Variants in ATXN1 observed in about 807,000 individuals in gnomAD.
ATXN1 encodes the protein ataxin-1.
In ATXN1, 8 loss-of-function variants were observed where a neutral mutation model predicts 56.4. That is an observed-to-expected ratio of 0.14 (90% CI 0.08 to 0.26). The LOEUF (loss-of-function observed/expected upper bound fraction) is 0.26, where lower values mean the gene tolerates loss of function less well. Among genes scored for constraint, ATXN1 ranks in the 10% least tolerant of loss-of-function variants. The pLI is 1.00. For synonymous variants in ATXN1, 514 were observed against 494.6 expected (o/e 1.04, Z -0.52); for missense variants, 987 against 1,106.5 (o/e 0.89, Z 1.53).
Position 16,327,675 on chromosome 6 carries a change from C to A in ATXN1, c.636G>T (p.Gln212His), listed in dbSNP as rs376233432. ...GCTGCTGCTGCTGCTGCTGCTGCTG[C>A]TGATGCTGATGCTGCTGCTGCTGCT... is the stretch of plus-strand genomic sequence containing the variant. ...QQQQQQQHQH[Q>H]QQQQQQQQQQ... The change falls in exon 7 of 8, where the codon CAG (glutamine) becomes CAT (histidine). Residue 212 changes from glutamine (Q) to histidine (H), a missense_variant. Coordinates refer to ENST00000436367, the MANE Select transcript of ATXN1 (RefSeq NM_001128164.2). The A allele has an allele frequency of 4.9e-5, 75 of 1,515,692 alleles. No individual in the cohort carries two copies. The highest frequency in any genetic ancestry group is 2.1e-4 in the African/African-American group (11 of 51,814). 93.9% of individuals were successfully genotyped at this position (1,515,692 alleles called of 1,614,324 possible).
Position 16,760,274 on chromosome 6 carries a change from G to A in ATXN1, c.-730+1024C>T, listed in dbSNP as rs1426522182. Among the ~76,000 whole-genome samples the A allele has an allele frequency of 6.6e-6, 1 of 151,894 alleles. No homozygotes were observed. Among genetic ancestry groups the A allele is most frequent in the African/African-American group, 2.4e-5 (1 of 41,406 alleles). ...GCCTCCTCCTCCTTCCCCTCCTCCTGGCTTCATTCACCCTCCCAGCAGCCG... is the reference window on the plus strand; with the variant it reads ...GCCTCCTCCTCCTTCCCCTCCTCCTAGCTTCATTCACCCTCCCAGCAGCCG... On this transcript the variant is annotated intron_variant, in intron 1 of 7. Transcript: ENST00000436367. This position sits in a 1 kb window ranked among gnomAD's most constrained non-coding sequence, Gnocchi z 5.3.
chr6:16,693,672 C>T (rs919192123), intron 2 of ATXN1, among the ~76,000 whole-genome samples: 1 of 152,154 alleles, frequency 6.6e-6, no homozygotes, highest in Non-Finnish European at 1.5e-5. Context: ...ATAATTGATG[C>T]TCATCATGGC....
At chr6:16,632,168 A>G (rs913780209) in intron 3 of ATXN1, among the ~76,000 whole-genome samples, 4 of 151,918 alleles carry the variant, frequency 2.6e-5, no homozygotes, top group African/African-American at 7.3e-5. Context: ...TCCTTTCCCT[A>G]TTCACTCTTC....
chr6:16,503,598 C>G (rs991089938), intron 5 of ATXN1, among the ~76,000 whole-genome samples: 2 of 152,162 alleles, frequency 1.3e-5, no homozygotes, highest in Non-Finnish European at 2.9e-5. Context: ...GTTCATATGG[C>G]TTTCACTTAA....
At chr6:16,572,347 C>A (rs1325560815) in intron 4 of ATXN1, among the ~76,000 whole-genome samples, 4 of 152,126 alleles carry the variant, frequency 2.6e-5, no homozygotes, top group African/African-American at 9.7e-5. Context: ...GAGAAAGGGA[C>A]GGAGATCTTC....
intron 6 of ATXN1, among the ~76,000 whole-genome samples, chr6:16,359,042 G>A (rs2113471862): frequency 6.6e-6 from 1 of 152,340 alleles, no homozygotes; most frequent in East Asian, 1.9e-4. Context: ...CCCCAGGAAG[G>A]ACCCTCCCCA....
intron 2 of ATXN1, chr6:16,737,212 C>G (rs1246074581): frequency 3.3e-5 from 5 of 152,192 alleles, no homozygotes; most frequent in African/African-American, 9.7e-5. Flanking sequence ...AAACTTTGCT[C>G]TATTTTTAAT....
At chr6:16,338,785 T>G (rs1200527576) in intron 6 of ATXN1, among the ~76,000 whole-genome samples, 1 of 152,200 alleles carries the variant, frequency 6.6e-6, no homozygotes, top group Non-Finnish European at 1.5e-5. Context: ...CTTTCAAACA[T>G]CTGTTTTTTC....
chr6:16,415,505 C>T (rs1435500360), intron 6 of ATXN1, among the ~76,000 whole-genome samples: 1 of 152,220 alleles, frequency 6.6e-6, no homozygotes, highest in African/African-American at 2.4e-5. Flanking sequence ...GCTGGGATTA[C>T]AGGCGTGAGC....
intron 6 of ATXN1, among the ~76,000 whole-genome samples, chr6:16,427,059 T>C (rs1759172414): frequency 6.6e-6 from 1 of 152,128 alleles, no homozygotes; most frequent in African/African-American, 2.4e-5. Context: ...GAGGCATCTT[T>C]GTGGATGGAC....
chr6:16,319,796 T>A (rs1431506448), intron 7 of ATXN1, among the ~76,000 whole-genome samples: 1 of 151,616 alleles, frequency 6.6e-6, no homozygotes, highest in Admixed American at 6.6e-5. Flanking sequence ...TCAAAACATA[T>A]AAGATGACCC....
chr6:16,587,939 A>C (rs1762656898), intron 3 of ATXN1, among the ~76,000 whole-genome samples: 1 of 152,102 alleles, frequency 6.6e-6, no homozygotes, highest in Admixed American at 6.6e-5. Context: ...CTAAAAAAAA[A>C]AAAAAAGAAA....
At chr6:16,679,505 G>A (rs1002589062) in intron 2 of ATXN1, among the ~76,000 whole-genome samples, 3 of 152,302 alleles carry the variant, frequency 2.0e-5, no homozygotes, top group Admixed American at 1.3e-4. Flanking sequence ...GTTTTTATGT[G>A]GGCGGTTAAG....
chr6:16,432,345 A>G (rs981359860), intron 6 of ATXN1, among the ~76,000 whole-genome samples: 4 of 152,320 alleles, frequency 2.6e-5, no homozygotes, highest in African/African-American at 9.6e-5. Context: ...GAAATCAACG[A>G]GGATATGCAA....
chr6:16,409,513 C>T (rs1185993069), intron 6 of ATXN1, among the ~76,000 whole-genome samples: 3 of 151,908 alleles, frequency 2.0e-5, no homozygotes, highest in East Asian at 1.9e-4. Flanking sequence ...ATTAACCTGG[C>T]GTGGTGGCTC....
intron 7 of ATXN1, among the ~76,000 whole-genome samples, chr6:16,318,859 T>C (rs1171160049): frequency 6.6e-6 from 1 of 152,194 alleles, no homozygotes; most frequent in Non-Finnish European, 1.5e-5. Context: ...ACAGCAGCTG[T>C]GACACGGAAG....
chr6:16,523,738 T>TAATCA (rs1186877829), intron 4 of ATXN1, among the ~76,000 whole-genome samples: 1 of 152,064 alleles, frequency 6.6e-6, no homozygotes, highest in Non-Finnish European at 1.5e-5. Context: ...GCTGACTGAG[T>TAATCA]AATCCCGTGA....
chr6:16,605,302 T>C (rs1324673863), intron 3 of ATXN1, among the ~76,000 whole-genome samples: 2 of 152,288 alleles, frequency 1.3e-5, no homozygotes, highest in South Asian at 2.1e-4. Flanking sequence ...AGAATGGACC[T>C]TGAGGAGATC....
chr6:16,540,405 T>A (rs1392299479), intron 4 of ATXN1, among the ~76,000 whole-genome samples: 1 of 152,040 alleles, frequency 6.6e-6, no homozygotes, highest in Non-Finnish European at 1.5e-5. Context: ...TAGAGACGGG[T>A]TTCACCATGT....
Sources: gnomAD v4.1 joint callset for allele counts (sites outside exome capture counted in the v4.1 genomes callset) on GRCh38, gnomAD v4.1.1 for gene constraint, Gnocchi (gnomAD v3.1) non-coding constraint, MANE v1.5 for transcripts, NCBI Gene and HGNC (gene_info 2026-07-23, HGNC 2026-07-21) for gene names.